LONP2: variants seen among roughly 807,000 people sequenced by gnomAD.
LONP2 encodes the protein lon protease homolog 2, peroxisomal.
A neutral mutation model predicts 85.6 loss-of-function variants in LONP2; 60 were observed. That is an observed-to-expected ratio of 0.70 (90% CI 0.57 to 0.87). The LOEUF (loss-of-function observed/expected upper bound fraction) is 0.87, where lower values mean the gene tolerates loss of function less well. Among genes scored for constraint, LONP2 ranks in the 40% least tolerant of loss-of-function variants. The pLI is 0.00. For missense variants in LONP2, 860 were observed against 1,063.5 expected, an observed-to-expected ratio of 0.81 and a Z score of 2.66; for synonymous variants, 395 against 389.7, an observed-to-expected ratio of 1.01 and a Z score of -0.16.
Position 48,323,528 on chromosome 16 carries a change from C to T in LONP2, c.1796-10688C>T, listed in dbSNP as rs141478299. On this transcript the variant is annotated intron_variant, in intron 11 of 14. Coordinates refer to ENST00000285737, the MANE Select transcript of LONP2 (RefSeq NM_031490.5). The stretch of plus-strand genomic sequence containing the variant: ...AAAATTAGCCAGGTGTGGTGGTGCA[C>T]ACGCCTGTTGTCCCAGCTACTTGGG... Among the ~76,000 whole-genome samples the T allele has an allele frequency of 8.9e-3, 1,358 of 152,104 alleles. 25 individuals carry two copies. The highest frequency in any genetic ancestry group is 0.031 in the African/African-American group (1,296 of 41,494).
At chr16:48,269,053 G>C (rs1394137492) in intron 6 of LONP2, among the ~76,000 whole-genome samples, 1 of 152,136 alleles carries the variant, frequency 6.6e-6, no homozygotes, top group Non-Finnish European at 1.5e-5. Context: ...CTGTTACCTG[G>C]TGTTTAATCT....
chr16:48,359,032 G>A (rs1409252174), downstream of LONP2, among the ~76,000 whole-genome samples: 1 of 152,140 alleles, frequency 6.6e-6, no homozygotes, highest in Non-Finnish European at 1.5e-5. Flanking sequence ...CCGTCACCCA[G>A]GCTGGAGTGC....
At chr16:48,320,101 A>AG (rs1052190468) in intron 11 of LONP2, among the ~76,000 whole-genome samples, 4 of 148,708 alleles carry the variant, frequency 2.7e-5, no homozygotes, top group African/African-American at 9.9e-5. Flanking sequence ...CGGAGGTTGC[A>AG]GTGAGCCGAG....
chr16:48,300,459 C>G (rs948293770), intron 10 of LONP2, among the ~76,000 whole-genome samples: 1 of 152,238 alleles, frequency 6.6e-6, no homozygotes, highest in Non-Finnish European at 1.5e-5. Context: ...TTTATATCCA[C>G]CACAGCCTCT....
chr16:48,362,327 G>A, downstream of LONP2: 1 of 1,614,192 alleles, frequency 6.2e-7, no homozygotes, highest in Non-Finnish European at 8.5e-7. This position sits in a 1 kb window ranked among gnomAD's most constrained non-coding sequence, Gnocchi z 4.2. Flanking sequence ...GACTCGCCAA[G>A]TCATTGTTGG....
intron 12 of LONP2, among the ~76,000 whole-genome samples, chr16:48,342,654 A>G (rs937889111): frequency 6.6e-6 from 1 of 152,244 alleles, no homozygotes; most frequent in South Asian, 2.1e-4. Flanking sequence ...CACCTCTCCA[A>G]GGGATGTAGA....
At position 48,348,223 on chromosome 16, in the gene LONP2, G is replaced by T. The variant is rs753507923; in HGVS notation, c.2270G>T (p.Ser757Ile). 3.7e-6 allele frequency: 6 copies of T among 1,612,096 alleles called. No individual in the cohort carries two copies. The South Asian group carries it at 6.6e-5, about 18-fold the overall frequency. ...GTAACCTGTCTCGCCTCACTTTTTA[G>T]TGGGCGGCTGGTACGTTCAGATGTA... The part of the protein sequence containing the change: ...TIVTCLASLF[S>I]GRLVRSDVAM... Residue 757 changes from serine (S) to isoleucine (I), a missense_variant, in exon 14 of 15, where the codon AGT becomes ATT. Transcript: ENST00000285737.
chr16:48,284,385 A>G (rs1235997061), intron 8 of LONP2, among the ~76,000 whole-genome samples: 1 of 152,236 alleles, frequency 6.6e-6, no homozygotes, highest in Non-Finnish European at 1.5e-5. Flanking sequence ...GGCTATAAGA[A>G]ATTGTTTCAT....
In LONP2 at chr16:48,351,814, A is replaced by C; in HGVS notation, c.*12A>C. The C allele has an allele frequency of 6.0e-5, 96 of 1,598,770 alleles. No homozygotes were observed. Among genetic ancestry groups the C allele is most frequent in the Non-Finnish European group, 7.4e-5 (86 of 1,166,938 alleles). ...ATAGCAAACTGTAGGTCCAAATCTC[A>C]ATTTTTTAGAATTTTAAGTTATGAA... is the stretch of plus-strand genomic sequence containing the variant. On this transcript the variant is annotated 3_prime_UTR_variant, in exon 15 of 15. Transcript: ENST00000285737.
At chr16:48,270,477 A>G (rs540271787) in intron 7 of LONP2, among the ~76,000 whole-genome samples, 84 of 152,322 alleles carry the variant, frequency 5.5e-4, no homozygotes, top group African/African-American at 1.8e-3. Flanking sequence ...CTTGATTTGT[A>G]TGACAGTGGA....
Position 48,354,836 on chromosome 16 carries a change from A to G in LONP2, c.*3034A>G, listed in dbSNP as rs1265973392. 3 of 152,166 alleles carry G rather than the reference A, an allele frequency of 2.0e-5. No homozygotes were observed. The highest frequency in any genetic ancestry group is 7.2e-5 in the African/African-American group (3 of 41,424). 9.4% of individuals were successfully genotyped at this position (152,166 alleles called of 1,614,324 possible). The stretch of plus-strand genomic sequence containing the variant: ...GAACCTCTTCCTCCTTTGCCACTTT[A>G]GCTTTAGCTCAAAGGAACTCCAACT... On this transcript the variant is annotated 3_prime_UTR_variant, in exon 15 of 15. Transcript: ENST00000285737.
At chr16:48,294,890 A>G (rs182498956) in intron 8 of LONP2, among the ~76,000 whole-genome samples, 98 of 152,318 alleles carry the variant, frequency 6.4e-4, no homozygotes, top group Non-Finnish European at 5.1e-4. Context: ...TTGAATATGT[A>G]TGGCAACCCT....
chr16:48,341,694 A>G (rs1429939148), intron 12 of LONP2, among the ~76,000 whole-genome samples: 2 of 152,248 alleles, frequency 1.3e-5, no homozygotes, highest in African/African-American at 4.8e-5. Context: ...GAACAGTATC[A>G]TAGGTCACCT....
At chr16:48,320,995 C>G (rs919007757) in intron 11 of LONP2, among the ~76,000 whole-genome samples, 20 of 152,056 alleles carry the variant, frequency 1.3e-4, no homozygotes, top group African/African-American at 4.6e-4. Context: ...GTGGAGTGGC[C>G]TGGTTTCAAC....
At chr16:48,250,209 A>G (rs1422383847) in intron 1 of LONP2, among the ~76,000 whole-genome samples, 3 of 150,388 alleles carry the variant, frequency 2.0e-5, no homozygotes, top group Non-Finnish European at 3.0e-5. Context: ...CAAAAAAACC[A>G]CAGTGGCTCA....
chr16:48,257,995 G>T (rs796181340), intron 3 of LONP2, among the ~76,000 whole-genome samples: 3 of 152,230 alleles, frequency 2.0e-5, no homozygotes, highest in East Asian at 3.8e-4. Flanking sequence ...TGGGCTTCAA[G>T]AGAGTAATTC....
At chr16:48,304,788 G>A (rs1185705408) in intron 11 of LONP2, among the ~76,000 whole-genome samples, 1 of 152,202 alleles carries the variant, frequency 6.6e-6, no homozygotes, top group African/African-American at 2.4e-5. Flanking sequence ...ATATCATGCT[G>A]TTATGCAGTT....
intron 12 of LONP2, among the ~76,000 whole-genome samples, chr16:48,338,990 A>G (rs1959738182): frequency 6.6e-6 from 1 of 152,200 alleles, no homozygotes. Flanking sequence ...GCTCAGAGGA[A>G]ATACCCAAGA....
At chr16:48,304,614 G>A (rs1347816852) in intron 11 of LONP2, among the ~76,000 whole-genome samples, 3 of 152,196 alleles carry the variant, frequency 2.0e-5, no homozygotes, top group Non-Finnish European at 1.5e-5. Flanking sequence ...TGAGGCAGGA[G>A]AATCGCTTGA....
Sources: allele counts gnomAD v4.1 joint callset (sites outside exome capture counted in the v4.1 genomes callset), GRCh38; gene constraint gnomAD v4.1.1; non-coding constraint Gnocchi (gnomAD v3.1); transcripts MANE v1.5; gene names NCBI Gene and HGNC (gene_info 2026-07-23, HGNC 2026-07-21).